Variants in MTHFD1L observed in about 807,000 individuals in gnomAD.
MTHFD1L encodes the protein monofunctional C1-tetrahydrofolate synthase, mitochondrial.
In MTHFD1L, 81 loss-of-function variants were observed where a neutral mutation model predicts 119.5. The observed-to-expected ratio is 0.68, with a 90% confidence interval of 0.57 to 0.82. The LOEUF is 0.82. Among genes scored for constraint, MTHFD1L ranks in the 40% least tolerant of loss-of-function variants. The pLI is 0.00. For missense variants in MTHFD1L, 1,125 were observed against 1,253.4 expected (o/e 0.90, Z 1.55); for synonymous variants, 430 against 475.2 (o/e 0.90, Z 1.24).
At chr6:150,979,564 G>A (rs755434265) in intron 20 of MTHFD1L, among the ~76,000 whole-genome samples, 12 of 151,918 alleles carry the variant, frequency 7.9e-5, no homozygotes, top group East Asian at 1.9e-4. Context: ...TCAGTGGCAC[G>A]ATCTTGGCTC....
rs918874575 is a variant in MTHFD1L at position 151,013,939 on chromosome 6, G to T, written c.2307+119G>T. On this transcript the variant is annotated intron_variant, in intron 22 of 27. Transcript: ENST00000367321. ...TAGAAAAGTGCTGTTCTGTCCGGGC[G>T]CAGTGACTCACACCTGTAATTTCAG... 6.0e-6 allele frequency: 5 copies of T among 837,200 alleles called. No homozygotes were observed. The African/African-American group carries it at 8.7e-5, about 15-fold the overall frequency. The allele number at this position is 837,200 out of a possible 1,614,324, so 51.9% of individuals were successfully genotyped here.
chr6:151,050,363 T>C (rs1788828607), intron 26 of MTHFD1L, among the ~76,000 whole-genome samples: 1 of 152,144 alleles, frequency 6.6e-6, no homozygotes. Flanking sequence ...GGTTTCACCA[T>C]GTTGGCCAGG....
In MTHFD1L at chr6:150,885,574, A is replaced by G. The variant is rs1025585852; in HGVS notation, c.543-60A>G. The G allele has an allele frequency of 4.9e-6, 6 of 1,228,812 alleles. No individual in the cohort carries two copies. The African/African-American group carries it at 7.4e-5, about 15-fold the overall frequency. The allele number at this position is 1,228,812 out of a possible 1,614,324, so 76.1% of individuals were successfully genotyped here. A position where few individuals can be genotyped will look rare whatever the true frequency, so the allele number is the denominator to read the frequency against. On this transcript the variant is annotated intron_variant, in intron 5 of 27. Transcript: ENST00000367321. ...TTTGGGGTTAATATATGTACATTACACGTGAGTGATTTTTTTGGCTGGGCT... is the reference window on the plus strand; with the variant it reads ...TTTGGGGTTAATATATGTACATTACGCGTGAGTGATTTTTTTGGCTGGGCT...
At position 151,022,180 on chromosome 6, in the gene MTHFD1L, T is replaced by C. The variant is rs1562553136; in HGVS notation, c.2586+6487T>C. On this transcript the variant is annotated intron_variant, in intron 24 of 27. Coordinates refer to ENST00000367321, the MANE Select transcript of MTHFD1L (RefSeq NM_015440.5). ...GTGTTTCCTCCTCTGCTGGTCTTTTTTAAGGCAGGATGTTTGTTGTTATTG... is the reference window on the plus strand; with the variant it reads ...GTGTTTCCTCCTCTGCTGGTCTTTTCTAAGGCAGGATGTTTGTTGTTATTG... The C allele has an allele frequency of 1.1e-5, 4 of 380,720 alleles. No homozygotes were observed. In the East Asian group the frequency reaches 3.1e-4, roughly 29 times the overall value. 23.6% of individuals were successfully genotyped at this position (380,720 alleles called of 1,614,324 possible).
intron 26 of MTHFD1L, among the ~76,000 whole-genome samples, chr6:151,077,258 T>C (rs1353751543): frequency 1.3e-5 from 2 of 151,934 alleles, no homozygotes; most frequent in African/African-American, 2.4e-5. Context: ...AAAAGAACAG[T>C]AGAGTCAAAA....
chr6:150,983,676 G>C (rs903664746), intron 20 of MTHFD1L, among the ~76,000 whole-genome samples: 1 of 152,184 alleles, frequency 6.6e-6, no homozygotes, highest in African/African-American at 2.4e-5. Flanking sequence ...TACTTCCTAA[G>C]TCAATCCTAG....
rs575634046 is a variant in MTHFD1L at position 150,874,332 on chromosome 6, C to A, written c.228-1758C>A. ...TTGCCTGCACCCAGTCCATCTGTTC[C>A]GGCCCAGCTGGCAGTAGAAAGACTG... On this transcript the variant is annotated intron_variant, in intron 1 of 27. Transcript: ENST00000367321. Among the ~76,000 whole-genome samples, 47 of 152,286 alleles carry A rather than the reference C, an allele frequency of 3.1e-4. No individual in the cohort carries two copies. The Middle Eastern group carries it at 0.01, about 33-fold the overall frequency.
At chr6:151,005,635 A>C (rs781134314) in intron 20 of MTHFD1L, among the ~76,000 whole-genome samples, 1 of 152,134 alleles carries the variant, frequency 6.6e-6, no homozygotes, top group East Asian at 1.9e-4. Flanking sequence ...TTAGCCGGGC[A>C]TGATGGCGGG....
chr6:150,951,680 A>G (rs1263293877), intron 16 of MTHFD1L, among the ~76,000 whole-genome samples: 1 of 152,230 alleles, frequency 6.6e-6, no homozygotes, highest in Non-Finnish European at 1.5e-5. Flanking sequence ...AATAATGGAC[A>G]TGAATACTTT....
intron 14 of MTHFD1L, 84 bp downstream of exon 14, chr6:150,944,677 G>T: frequency 1.0e-6 from 1 of 980,856 alleles, no homozygotes; most frequent in South Asian, 1.5e-5. Context: ...AAGAATTCTG[G>T]TGTCTGCAAA....
chr6:151,085,227 T>C (rs1793683252), intron 26 of MTHFD1L, among the ~76,000 whole-genome samples: 1 of 152,056 alleles, frequency 6.6e-6, no homozygotes, highest in African/African-American at 2.4e-5. Flanking sequence ...AATAGAAATT[T>C]AATCAGGAAC....
intron 1 of MTHFD1L, among the ~76,000 whole-genome samples, chr6:150,869,866 A>G (rs1473198493): frequency 6.6e-6 from 1 of 152,034 alleles, no homozygotes; most frequent in Non-Finnish European, 1.5e-5. Context: ...TGGTGATGGG[A>G]CTAGATGACC....
At chr6:151,086,737 C>A (rs890666732) in intron 26 of MTHFD1L, among the ~76,000 whole-genome samples, 4 of 151,790 alleles carry the variant, frequency 2.6e-5, no homozygotes, top group African/African-American at 9.7e-5. Flanking sequence ...GCCATATTGC[C>A]CAGGCTGGTC....
Position 150,885,644 on chromosome 6 carries a change from A to T in MTHFD1L, c.553A>T (p.Ile185Leu). Residue 185 changes from isoleucine to leucine, a missense_variant, in exon 6 of 28, where the codon ATA becomes TTA. Ile to Leu is a conservative substitution (Grantham distance 5, BLOSUM62 2). Transcript: ENST00000367321. The part of the protein sequence containing the change: ...PEKDVDGVTD[I>L]NLGKLVRGDA... ...TATTTTCTGATTCAGAGTAACAGACATAAACCTGGGGAAGCTGGTGCGAGG... is the reference window on the plus strand; with the variant it reads ...TATTTTCTGATTCAGAGTAACAGACTTAAACCTGGGGAAGCTGGTGCGAGG... The T allele has an allele frequency of 6.2e-7, 1 of 1,613,972 alleles. No individual in the cohort carries two copies. The highest frequency in any genetic ancestry group is 8.5e-7 in the Non-Finnish European group (1 of 1,179,900).
At chr6:150,968,844 TTC>T (rs1797614853) in intron 19 of MTHFD1L, among the ~76,000 whole-genome samples, 1 of 137,360 alleles carries the variant, frequency 7.3e-6, no homozygotes, top group African/African-American at 2.7e-5. Flanking sequence ...TTTTAAATAA[TTC>T]TTTTTTTTTT....
chr6:151,064,211 T>C (rs761703432), intron 26 of MTHFD1L, among the ~76,000 whole-genome samples: 3 of 152,256 alleles, frequency 2.0e-5, no homozygotes, highest in Admixed American at 6.5e-5. Flanking sequence ...ATTTCACTTA[T>C]AGAGCTTGCT....
chr6:150,998,191 T>C (rs1780093711), intron 20 of MTHFD1L, among the ~76,000 whole-genome samples: 1 of 152,226 alleles, frequency 6.6e-6, no homozygotes, highest in South Asian at 2.1e-4. Flanking sequence ...ATTCTGTAAA[T>C]TTATATAATG....
At chr6:150,915,545 A>G (rs866427455) in intron 8 of MTHFD1L, among the ~76,000 whole-genome samples, 1 of 152,192 alleles carries the variant, frequency 6.6e-6, no homozygotes, top group African/African-American at 2.4e-5. Flanking sequence ...TTCTGGAAAT[A>G]TGCATTTATA....
chr6:151,073,789 A>T (rs1792208648), intron 26 of MTHFD1L, among the ~76,000 whole-genome samples: 1 of 152,212 alleles, frequency 6.6e-6, no homozygotes, highest in Admixed American at 6.5e-5. Flanking sequence ...ATGAAACAGA[A>T]AAAGGCTGAA....
Sources: allele counts gnomAD v4.1 joint callset (sites outside exome capture counted in the v4.1 genomes callset), GRCh38; gene constraint gnomAD v4.1.1; transcripts MANE v1.5; gene names NCBI Gene and HGNC (gene_info 2026-07-23, HGNC 2026-07-21).